Variants in CSMD2 observed in about 807,000 individuals in gnomAD.
CSMD2 encodes CUB and sushi domain-containing protein 2.
A neutral mutation model predicts 398.5 loss-of-function variants in CSMD2; 130 were observed. That is an observed-to-expected ratio of 0.33 (90% CI 0.28 to 0.38). CSMD2 has a LOEUF of 0.38. Among genes scored for constraint, CSMD2 ranks in the 10% least tolerant of loss-of-function variants. The probability of loss-of-function intolerance (pLI) is 1.00; values close to 1 mark genes in which losing one functional copy is unlikely to be tolerated. For missense variants in CSMD2, 3,829 were observed against 4,764.9 expected, an observed-to-expected ratio of 0.80 and a Z score of 5.78; for synonymous variants, 1,828 against 1,908.5, an observed-to-expected ratio of 0.96 and a Z score of 1.10.
At chr1:33,913,866 A>G (rs1349663170) in intron 5 of CSMD2, among the ~76,000 whole-genome samples, 1 of 152,032 alleles carries the variant, frequency 6.6e-6, no homozygotes, top group Non-Finnish European at 1.5e-5. Context: ...TATGAGACAG[A>G]GGAAAGAGGA....
At chr1:33,553,122 C>T (rs1479558719) in intron 55 of CSMD2, among the ~76,000 whole-genome samples, 2 of 152,018 alleles carry the variant, frequency 1.3e-5, no homozygotes, top group Non-Finnish European at 2.9e-5. Flanking sequence ...ACAGGTACAC[C>T]TAGTTTTATT....
chr1:34,128,400 G>A (rs1284569593), intron 1 of CSMD2, among the ~76,000 whole-genome samples: 1 of 152,212 alleles, frequency 6.6e-6, no homozygotes, highest in Non-Finnish European at 1.5e-5. Context: ...GGGATGCTGC[G>A]CTCGGGTCTG....
chr1:33,990,323 A>G (rs980340666), intron 3 of CSMD2, among the ~76,000 whole-genome samples: 6 of 152,206 alleles, frequency 3.9e-5, no homozygotes, highest in Middle Eastern at 3.2e-3. Flanking sequence ...TGTAGTAGTA[A>G]TGTAAGATAT....
intron 1 of CSMD2, among the ~76,000 whole-genome samples, chr1:34,124,680 T>C (rs979904945): frequency 1.3e-5 from 2 of 152,184 alleles, no homozygotes. Context: ...TCCCAACTTA[T>C]CATTCCAAGG....
At chr1:34,095,800 G>C (rs1236587355) in intron 1 of CSMD2, among the ~76,000 whole-genome samples, 2 of 151,100 alleles carry the variant, frequency 1.3e-5, no homozygotes, top group Non-Finnish European at 3.0e-5. Flanking sequence ...TCCAGGACCA[G>C]ATGGATTCAC....
At chr1:33,592,411 T>A in intron 44 of CSMD2, 1 of 715,966 alleles carries the variant, frequency 1.4e-6, no homozygotes, top group Non-Finnish European at 2.6e-6. Context: ...GGTGTCCACC[T>A]CTGGTCCAAG....
chr1:34,163,252 GCAAGTCTGGGTGAC>G lies in CSMD2; in HGVS notation c.187+1645_187+1658del, dbSNP rs1641526221. Among the ~76,000 whole-genome samples, 1 of 152,244 alleles carries G rather than the reference GCAAGTCTGGGTGAC, an allele frequency of 6.6e-6. No individual in the cohort carries two copies. The highest frequency in any genetic ancestry group is 2.4e-5 in the African/African-American group (1 of 41,474). Reference sequence around the variant, plus strand: ...CAGCGATTCCCCCACCGCCCATGTGGCAAGTCTGGGTGACCAGCAGCGTCGGTATGCACAGCCTC... The same window carrying G: ...CAGCGATTCCCCCACCGCCCATGTGGCAGCAGCGTCGGTATGCACAGCCTC... On this transcript the variant is annotated intron_variant, in intron 1 of 70. Coordinates refer to ENST00000373381, the MANE Select transcript of CSMD2 (RefSeq NM_001281956.2). This position sits in a 1 kb window ranked among gnomAD's most constrained non-coding sequence, Gnocchi z 5.4.
intron 6 of CSMD2, chr1:33,840,237 G>C (rs1321474432): frequency 6.6e-6 from 1 of 152,218 alleles, no homozygotes; most frequent in South Asian, 2.1e-4. Flanking sequence ...AGGAAAGAGA[G>C]ATGTTTAAGA....
intron 37 of CSMD2, among the ~76,000 whole-genome samples, chr1:33,621,532 C>T (rs1641772330): frequency 6.6e-6 from 1 of 152,138 alleles, no homozygotes; most frequent in African/African-American, 2.4e-5. Flanking sequence ...TAAATATTTG[C>T]CGAATAAAAG....
intron 2 of CSMD2, among the ~76,000 whole-genome samples, chr1:34,046,311 CA>C (rs1652510083): frequency 6.6e-6 from 1 of 152,138 alleles, no homozygotes; most frequent in Admixed American, 6.5e-5. Flanking sequence ...AAGGATGAAA[CA>C]AAAATGTTTT....
intron 1 of CSMD2, among the ~76,000 whole-genome samples, chr1:34,134,954 T>G (rs1298622523): frequency 6.6e-6 from 1 of 152,142 alleles, no homozygotes; most frequent in East Asian, 1.9e-4. Context: ...CACATCAGCA[T>G]CACCGGAGAA....
At chr1:33,810,291 G>A (rs1199762552) in intron 10 of CSMD2, among the ~76,000 whole-genome samples, 1 of 152,168 alleles carries the variant, frequency 6.6e-6, no homozygotes, top group African/African-American at 2.4e-5. Context: ...AATTTTGAGT[G>A]AGGTTGATTA....
At chr1:33,567,100 GA>G (rs777947452) in intron 53 of CSMD2, among the ~76,000 whole-genome samples, 11 of 150,726 alleles carry the variant, frequency 7.3e-5, no homozygotes, top group East Asian at 1.9e-4. Flanking sequence ...ATAACACAAT[GA>G]AAAAAAAGGG....
At chr1:33,750,703 G>C (rs565399092) in intron 13 of CSMD2, among the ~76,000 whole-genome samples, 2 of 152,262 alleles carry the variant, frequency 1.3e-5, no homozygotes, top group Non-Finnish European at 2.9e-5. Context: ...TGATAAAGGG[G>C]GCTTTTGAAA....
Position 33,931,716 on chromosome 1 carries a change from G to A in CSMD2, c.712+4044C>T, listed in dbSNP as rs531035259. 7.2e-5 allele frequency among the ~76,000 whole-genome samples: 11 copies of A among 152,302 alleles called. No homozygotes were observed. In the South Asian group the frequency reaches 2.3e-3, roughly 32 times the overall value. On this transcript the variant is annotated intron_variant, in intron 4 of 70. Coordinates refer to ENST00000373381, the MANE Select transcript of CSMD2 (RefSeq NM_001281956.2). Reference sequence around the variant, plus strand: ...TAAAATAAGTCTAAGAGACAGACTGGAAAGATTGGGGTGGGGCTCTTTCTG... The same window carrying A: ...TAAAATAAGTCTAAGAGACAGACTGAAAAGATTGGGGTGGGGCTCTTTCTG...
chr1:33,896,733 A>G (rs936778716), intron 5 of CSMD2, among the ~76,000 whole-genome samples: 5 of 152,164 alleles, frequency 3.3e-5, no homozygotes, highest in Admixed American at 2.6e-4. Context: ...CAGACACTCT[A>G]CTGACTGGGA....
chr1:33,970,915 T>TA (rs1187561521), intron 3 of CSMD2, among the ~76,000 whole-genome samples: 10 of 152,224 alleles, frequency 6.6e-5, no homozygotes, highest in African/African-American at 2.2e-4. Flanking sequence ...CATTGTTGCT[T>TA]AATTCCCTCT....
intron 5 of CSMD2, among the ~76,000 whole-genome samples, chr1:33,886,070 T>C (rs1033623106): frequency 4.6e-5 from 7 of 152,192 alleles, no homozygotes; most frequent in African/African-American, 1.4e-4. Flanking sequence ...ACAATTCTTA[T>C]GGTCGCTGAT....
intron 1 of CSMD2, among the ~76,000 whole-genome samples, chr1:34,094,106 A>G (rs920046065): frequency 4.6e-5 from 7 of 152,196 alleles, no homozygotes; most frequent in African/African-American, 1.7e-4. Flanking sequence ...CCAATATTCA[A>G]CATTCTTAAA....
Sources: allele counts gnomAD v4.1 joint callset (sites outside exome capture counted in the v4.1 genomes callset), GRCh38; gene constraint gnomAD v4.1.1; non-coding constraint Gnocchi (gnomAD v3.1); transcripts MANE v1.5; gene names NCBI Gene and HGNC (gene_info 2026-07-23, HGNC 2026-07-21).